Variants in GRXCR1 observed in about 807,000 individuals in gnomAD.
GRXCR1 encodes the protein glutaredoxin domain-containing cysteine-rich protein 1.
GRXCR1 carries 27 observed loss-of-function variants against 27.3 expected under a neutral mutation model. That is an observed-to-expected ratio of 0.99 (90% confidence interval 0.73 to 1.37). The LOEUF is 1.37. Among genes scored for constraint, GRXCR1 ranks in the 40% most tolerant of loss-of-function variants. The pLI, the probability that GRXCR1 is intolerant of heterozygous loss-of-function variation, is 0.00. For missense variants in GRXCR1, 379 were observed against 354.4 expected, an observed-to-expected ratio of 1.07 and a Z score of -0.56; for synonymous variants, 122 against 131.1, an observed-to-expected ratio of 0.93 and a Z score of 0.47.
At chr4:42,981,396 C>G (rs1748664858) in intron 2 of GRXCR1, among the ~76,000 whole-genome samples, 1 of 151,984 alleles carries the variant, frequency 6.6e-6, no homozygotes, top group South Asian at 2.1e-4. Context: ...TACTGCATAT[C>G]CCTTAAAAAT....
intron 1 of GRXCR1, among the ~76,000 whole-genome samples, chr4:42,939,631 C>T (rs1285040163): frequency 1.3e-5 from 2 of 152,020 alleles, no homozygotes; most frequent in Non-Finnish European, 2.9e-5. Flanking sequence ...GTCTTGCCTC[C>T]TAACTTTGAA....
At chr4:42,997,521 C>T (rs564674147) in intron 2 of GRXCR1, among the ~76,000 whole-genome samples, 7 of 152,260 alleles carry the variant, frequency 4.6e-5, no homozygotes, top group African/African-American at 1.7e-4. Flanking sequence ...GACTGCTCCT[C>T]CAGGGTCATC....
intron 2 of GRXCR1, among the ~76,000 whole-genome samples, chr4:42,972,665 TATC>T (rs1160282626): frequency 3.3e-5 from 5 of 152,184 alleles, no homozygotes; most frequent in African/African-American, 1.2e-4. Flanking sequence ...ATGGCACTGT[TATC>T]ATCTTTCAAA....
chr4:42,981,250 A>C (rs1577930341), intron 2 of GRXCR1, among the ~76,000 whole-genome samples: 1 of 151,852 alleles, frequency 6.6e-6, no homozygotes, highest in Non-Finnish European at 1.5e-5. Context: ...GAGACTTATA[A>C]AAAACATCTT....
At chr4:43,002,010 T>C (rs1712382126) in intron 2 of GRXCR1, among the ~76,000 whole-genome samples, 1 of 152,226 alleles carries the variant, frequency 6.6e-6, no homozygotes, top group Non-Finnish European at 1.5e-5. Flanking sequence ...GAGTAAAGAA[T>C]AACAAGGCAG....
chr4:42,933,430 T>C (rs544580514), intron 1 of GRXCR1, among the ~76,000 whole-genome samples: 1 of 152,028 alleles, frequency 6.6e-6, no homozygotes, highest in Admixed American at 6.6e-5. Context: ...ATAACTCTCA[T>C]GTAGCAGCAA....
intron 2 of GRXCR1, 31 bp from the exon 3 acceptor site, chr4:43,020,320 ATGG>A: frequency 7.2e-7 from 1 of 1,387,516 alleles, no homozygotes; most frequent in South Asian, 1.2e-5. Flanking sequence ...ACTAACAAAA[ATGG>A]ATTTTTCTCC....
chr4:42,963,101 C>T lies in GRXCR1; in HGVS notation c.594C>T (p.Leu198=), dbSNP rs374207152. Residue 198 remains leucine, a synonymous_variant, in exon 2 of 4, where the codon CTC becomes CTT. Transcript: ENST00000399770. ...GACGAGTTTCTGAAGCTCCTTCCCT[C>T]CCTGTTGTGTTCATTGATGGCCATT... ...RCRRVSEAPS[L]PVVFIDGHYL... 58 of 1,612,760 alleles carry T rather than the reference C, an allele frequency of 3.6e-5. No individual in the cohort carries two copies. The African/African-American group carries it at 6.1e-4, about 17-fold the overall frequency.
At chr4:42,937,764 A>C (rs1474712055) in intron 1 of GRXCR1, among the ~76,000 whole-genome samples, 3 of 151,980 alleles carry the variant, frequency 2.0e-5, no homozygotes, top group Non-Finnish European at 4.4e-5. Context: ...AGCAATTGTA[A>C]CATATGTTTT....
chr4:42,998,297 C>T (rs1332635586), intron 2 of GRXCR1, among the ~76,000 whole-genome samples: 1 of 152,190 alleles, frequency 6.6e-6, no homozygotes. Flanking sequence ...CTTCTGTTGG[C>T]TGACCCCTTT....
chr4:42,967,125 A>G (rs528345773), intron 2 of GRXCR1, among the ~76,000 whole-genome samples: 2 of 152,192 alleles, frequency 1.3e-5, no homozygotes, highest in Non-Finnish European at 2.9e-5. Context: ...AATCATCACC[A>G]AACCCTAGAT....
At chr4:42,932,447 C>T (rs965085659) in intron 1 of GRXCR1, among the ~76,000 whole-genome samples, 31 of 5,186 alleles carry the variant, frequency 6.0e-3, no homozygotes, top group East Asian at 8.9e-3. Flanking sequence ...TTTGTTTCAC[C>T]GCAGTTTGCC....
chr4:43,012,641 T>C (rs1450002458), intron 2 of GRXCR1, among the ~76,000 whole-genome samples: 2 of 152,204 alleles, frequency 1.3e-5, no homozygotes, highest in African/African-American at 2.4e-5. Context: ...TATTATCTCA[T>C]GTAATCCTTA....
intron 1 of GRXCR1, among the ~76,000 whole-genome samples, chr4:42,960,288 A>T (rs1189537390): frequency 2.0e-5 from 3 of 152,004 alleles, no homozygotes; most frequent in Non-Finnish European, 1.5e-5. Flanking sequence ...CAGTAATAGT[A>T]GTCTTTGTAT....
chr4:42,985,474 A>G (rs531922115), intron 2 of GRXCR1, among the ~76,000 whole-genome samples: 56 of 152,302 alleles, frequency 3.7e-4, no homozygotes, highest in Non-Finnish European at 6.3e-4. Context: ...AAGTTAATAA[A>G]CATTTTAATA....
chr4:42,924,719 A>G (rs760033479), intron 1 of GRXCR1, among the ~76,000 whole-genome samples: 24 of 152,040 alleles, frequency 1.6e-4, no homozygotes, highest in Non-Finnish European at 2.5e-4. Flanking sequence ...TTAGAGGCAA[A>G]TACTAATCAA....
chr4:42,927,287 A>C (rs1747181781), intron 1 of GRXCR1, among the ~76,000 whole-genome samples: 2 of 151,968 alleles, frequency 1.3e-5, no homozygotes, highest in Admixed American at 1.3e-4. Flanking sequence ...AAAATATCCA[A>C]GGGGAAACCA....
intron 2 of GRXCR1, among the ~76,000 whole-genome samples, chr4:42,989,757 T>G (rs1418625278): frequency 6.6e-6 from 1 of 152,188 alleles, no homozygotes; most frequent in East Asian, 1.9e-4. Flanking sequence ...ACTTTCTATA[T>G]CTAGAGCAAT....
chr4:42,898,272 T>C (rs1746393651), intron 1 of GRXCR1, among the ~76,000 whole-genome samples: 1 of 152,068 alleles, frequency 6.6e-6, no homozygotes, highest in South Asian at 2.1e-4. Context: ...GAAAGGTTTT[T>C]TTTTCTGCAG....
Sources: allele counts gnomAD v4.1 joint callset (sites outside exome capture counted in the v4.1 genomes callset), GRCh38; gene constraint gnomAD v4.1.1; transcripts MANE v1.5; gene names NCBI Gene and HGNC (gene_info 2026-07-23, HGNC 2026-07-21).